The following BBIP1 variants were observed in gnomAD, a reference collection of about 807,000 sequenced individuals.
BBIP1 encodes the protein BBSome-interacting protein 1.
A neutral mutation model predicts 8.9 loss-of-function variants in BBIP1; 6 were observed. The observed-to-expected ratio is 0.67, with a 90% CI of 0.37 to 1.33. The LOEUF (loss-of-function observed/expected upper bound fraction) is 1.33, where lower values mean the gene tolerates loss of function less well. BBIP1 is among the 40% of genes most tolerant of loss of function. The pLI, the probability that BBIP1 is intolerant of heterozygous loss-of-function variation, is 0.02. For missense variants in BBIP1, 111 were observed against 109.2 expected, an observed-to-expected ratio of 1.02 and a Z score of -0.07; for synonymous variants, 32 against 33.4, an observed-to-expected ratio of 0.96 and a Z score of 0.14.
At chr10:110,900,935 C>T (rs1157201545) in intron 3 of BBIP1, 4 of 218,656 alleles carry the variant, frequency 1.8e-5, no homozygotes, top group Middle Eastern at 1.8e-3. Flanking sequence ...TCAGGTTTCT[C>T]TTTCTCCACT....
chr10:110,910,989 G>C (rs549158655), intron 2 of BBIP1: 21 of 152,330 alleles, frequency 1.4e-4, no homozygotes, highest in African/African-American at 5.1e-4. Flanking sequence ...AGAAGCAGCT[G>C]AAGTCAGATT....
chr10:110,912,721 T>C (rs1181094546), intron 2 of BBIP1, among the ~76,000 whole-genome samples: 1 of 152,152 alleles, frequency 6.6e-6, no homozygotes, highest in Admixed American at 6.5e-5. Context: ...CTCCCCACAC[T>C]AAGTCTCCTT....
rs1845983260 is a variant in BBIP1 at position 110,900,958 on chromosome 10, T to C, written c.113-432A>G. On this transcript the variant is annotated intron_variant, in intron 3 of 3. Coordinates refer to ENST00000448814, the MANE Select transcript of BBIP1 (RefSeq NM_001195305.3). ...CTCTTTCTCCACTTTCAGACCTTAT[T>C]TAACATAGTAAATTCCATTATTTCT... The C allele has an allele frequency of 1.2e-5, 3 of 245,536 alleles. No homozygotes were observed. The Admixed American group carries it at 1.6e-4, about 13-fold the overall frequency. The allele number at this position is 245,536 out of a possible 1,614,324, so 15.2% of individuals were successfully genotyped here.
chr10:110,901,485 G>T, intron 3 of BBIP1, 53 bp downstream of exon 3: 1 of 1,311,544 alleles, frequency 7.6e-7, no homozygotes, highest in South Asian at 1.3e-5. Context: ...CACTGCCTAT[G>T]ACTTCTTTAG....
intron 2 of BBIP1, among the ~76,000 whole-genome samples, chr10:110,917,318 T>C (rs963180130): frequency 2.0e-5 from 3 of 149,030 alleles, no homozygotes; most frequent in Admixed American, 1.4e-4. Flanking sequence ...GCTGAAATAA[T>C]GATATTGTGT....
chr10:110,913,498 T>G (rs1403925373), intron 2 of BBIP1, among the ~76,000 whole-genome samples: 2 of 152,248 alleles, frequency 1.3e-5, no homozygotes, highest in Non-Finnish European at 2.9e-5. Context: ...AAGCAGCACG[T>G]GCTGCCAAAT....
At chr10:110,917,989 A>C in intron 2 of BBIP1, 132 bp downstream of exon 2, 1 of 756,480 alleles carries the variant, frequency 1.3e-6, no homozygotes, top group Non-Finnish European at 2.2e-6. Context: ...GATTTCAGTA[A>C]TTAACAGCAA....
rs1845949735 is a variant in BBIP1 at position 110,900,048 on chromosome 10, A to G, written c.*312T>C. 4.4e-6 allele frequency: 1 copy of G among 226,410 alleles called. No individual in the cohort carries two copies. The highest frequency in any genetic ancestry group is 2.3e-5 in the African/African-American group (1 of 44,112). The allele number at this position is 226,410 out of a possible 1,614,324, so 14.0% of individuals were successfully genotyped here. A position where few individuals can be genotyped will look rare whatever the true frequency, so the allele number is the denominator to read the frequency against. ...AATCCCTTGTGCCCAAGAATGCTAT[A>G]AAAGATCCCAAGAATGTTATCTATA... On this transcript the variant is annotated 3_prime_UTR_variant, in exon 4 of 4. Coordinates refer to ENST00000448814, the MANE Select transcript of BBIP1 (RefSeq NM_001195305.3).
intron 2 of BBIP1, among the ~76,000 whole-genome samples, chr10:110,916,494 G>A (rs1299538873): frequency 6.6e-6 from 1 of 152,148 alleles, no homozygotes; most frequent in African/African-American, 2.4e-5. Flanking sequence ...AATAGGCTCT[G>A]CTTAATGCTA....
In BBIP1 at chr10:110,900,093, G is replaced by C. The variant is rs148875831; in HGVS notation, c.*267C>G. 1 of 322,762 alleles carries C rather than the reference G, an allele frequency of 3.1e-6. No individual in the cohort carries two copies. The highest frequency in any genetic ancestry group is 5.4e-5 in the East Asian group (1 of 18,466). 20.0% of individuals were successfully genotyped at this position (322,762 alleles called of 1,614,324 possible). ...TCTATAAAAGATAGCAATAGGAATG[G>C]TGAACAAATAATTTAATTTGCAATT... On this transcript the variant is annotated 3_prime_UTR_variant, in exon 4 of 4. Coordinates refer to ENST00000448814, the MANE Select transcript of BBIP1 (RefSeq NM_001195305.3).
rs191511132 is a variant in BBIP1, at chr10:110,900,220, T to G, written c.*140A>C. 3 of 839,444 alleles carry G rather than the reference T, an allele frequency of 3.6e-6. No homozygotes were observed. The highest frequency in any genetic ancestry group is 5.2e-6 in the Non-Finnish European group (3 of 577,784). The allele number at this position is 839,444 out of a possible 1,614,324, so 52.0% of individuals were successfully genotyped here. On this transcript the variant is annotated 3_prime_UTR_variant, in exon 4 of 4. Coordinates refer to ENST00000448814, the MANE Select transcript of BBIP1 (RefSeq NM_001195305.3). ...ACATTCACAATACAAATTTCATCAA[T>G]CTTGGATATTTTTGTATTTCTATGA...
intron 2 of BBIP1, among the ~76,000 whole-genome samples, chr10:110,912,841 A>G (rs754850986): frequency 6.6e-6 from 1 of 152,214 alleles, no homozygotes; most frequent in East Asian, 1.9e-4. Flanking sequence ...TACATCTTCA[A>G]TGTAATTCCT....
At chr10:110,907,827 T>C (rs1832604759) in intron 2 of BBIP1, 2 of 696,092 alleles carry the variant, frequency 2.9e-6, no homozygotes, top group Non-Finnish European at 5.2e-6. Flanking sequence ...GTTATTAAAT[T>C]TGAGAAGCCC....
intron 2 of BBIP1, among the ~76,000 whole-genome samples, chr10:110,906,071 T>C (rs6585022): frequency 1 from 150,035 of 150,538 alleles, 74,766 homozygotes; most frequent in East Asian, 1. Flanking sequence ...GGCGCGATCT[T>C]GGCTCACTGC....
At chr10:110,918,669 T>C (rs1163128652) in intron 1 of BBIP1, among the ~76,000 whole-genome samples, 1 of 152,190 alleles carries the variant, frequency 6.6e-6, no homozygotes, top group Non-Finnish European at 1.5e-5. Flanking sequence ...GGGCGGCCTG[T>C]AGAGCGGCCT....
At chr10:110,909,398 G>C (rs534764162) in intron 2 of BBIP1, among the ~76,000 whole-genome samples, 2 of 152,274 alleles carry the variant, frequency 1.3e-5, no homozygotes, top group East Asian at 3.9e-4. Flanking sequence ...GTTTCATCAT[G>C]TTGGCCAGGA....
At chr10:110,918,380 G>GA (rs1331838722) in intron 1 of BBIP1, among the ~76,000 whole-genome samples, 167 bp from the exon 2 acceptor site, 4 of 152,218 alleles carry the variant, frequency 2.6e-5, no homozygotes, top group Non-Finnish European at 5.9e-5. Context: ...GGAAAGGGGG[G>GA]AAAAATCAGA....
chr10:110,903,529 AG>A (rs1229345888), intron 2 of BBIP1: 3 of 152,348 alleles, frequency 2.0e-5, no homozygotes, highest in Non-Finnish European at 4.4e-5. Flanking sequence ...CAGGAAGGGA[AG>A]GGCTAAAATA....
intron 2 of BBIP1, among the ~76,000 whole-genome samples, chr10:110,913,505 A>T (rs1846325656): frequency 6.6e-6 from 1 of 152,256 alleles, no homozygotes; most frequent in Non-Finnish European, 1.5e-5. Flanking sequence ...ACGTGCTGCC[A>T]AATTGTGTTC....
Sources: allele counts gnomAD v4.1 joint callset (sites outside exome capture counted in the v4.1 genomes callset), GRCh38; gene constraint gnomAD v4.1.1; transcripts MANE v1.5; gene names NCBI Gene and HGNC (gene_info 2026-07-23, HGNC 2026-07-21).